Variants in ERC1 observed in about 807,000 individuals in gnomAD.
ERC1 encodes ELKS/RAB6-interacting/CAST family member 1.
A neutral mutation model predicts 132.0 loss-of-function variants in ERC1; 56 were observed. That is an observed-to-expected ratio of 0.42 (90% confidence interval 0.34 to 0.53). The LOEUF (loss-of-function observed/expected upper bound fraction) is 0.53. Ranked by LOEUF, ERC1 falls within the 20% of genes least tolerant of loss-of-function variation. ERC1 has a pLI of 0.03. For missense variants in ERC1, 1,202 were observed against 1,349.9 expected, an observed-to-expected ratio of 0.89 and a Z score of 1.72; for synonymous variants, 478 against 476.1, an observed-to-expected ratio of 1.00 and a Z score of -0.05.
At chr12:1,272,006 C>T (rs1379628671) in intron 14 of ERC1, among the ~76,000 whole-genome samples, 1 of 152,110 alleles carries the variant, frequency 6.6e-6, no homozygotes, top group Non-Finnish European at 1.5e-5. Flanking sequence ...TTCAAAAGGT[C>T]GTTCCAGAAC....
intron 12 of ERC1, among the ~76,000 whole-genome samples, chr12:1,228,793 C>T (rs1009979545): frequency 1.3e-5 from 2 of 152,030 alleles, no homozygotes; most frequent in Non-Finnish European, 1.5e-5. Flanking sequence ...TGATTTTTAT[C>T]GTTCATTCTG....
At chr12:1,289,711 C>A (rs2079302167) in intron 14 of ERC1, 141 bp from the exon 15 acceptor site, 2 of 621,142 alleles carry the variant, frequency 3.2e-6, no homozygotes. Flanking sequence ...ACACACATAA[C>A]TGATCCAGAA....
At chr12:1,297,206 A>C (rs2080024204) in intron 15 of ERC1, among the ~76,000 whole-genome samples, 1 of 151,900 alleles carries the variant, frequency 6.6e-6, no homozygotes, top group African/African-American at 2.4e-5. Flanking sequence ...ACTAAAAAAA[A>C]AAAAAAAAAT....
At chr12:1,487,603 C>A (rs988775314) in intron 18 of ERC1, among the ~76,000 whole-genome samples, 1 of 151,102 alleles carries the variant, frequency 6.6e-6, no homozygotes, top group Non-Finnish European at 1.5e-5. Context: ...ATCTGTAATC[C>A]CAGCTACTTA....
intron 12 of ERC1, among the ~76,000 whole-genome samples, chr12:1,196,905 T>TACACACAC (rs766381798): frequency 3.5e-5 from 2 of 57,728 alleles, no homozygotes; most frequent in East Asian, 6.3e-4. Context: ...TCTGTCTCTC[T>TACACACAC]ACACACACAC....
At chr12:1,221,928 G>T (rs1421933315) in intron 12 of ERC1, among the ~76,000 whole-genome samples, 2 of 152,136 alleles carry the variant, frequency 1.3e-5, no homozygotes, top group Non-Finnish European at 2.9e-5. Context: ...TCACTATGTG[G>T]TATCATTGTA....
At chr12:1,177,616 T>G (rs1056138277) in intron 8 of ERC1, among the ~76,000 whole-genome samples, 14 of 152,070 alleles carry the variant, frequency 9.2e-5, no homozygotes, top group African/African-American at 3.1e-4. Context: ...ACGGGCAGAG[T>G]TCATGGCACC....
intron 8 of ERC1, among the ~76,000 whole-genome samples, chr12:1,175,404 A>G (rs767652969): frequency 6.6e-6 from 1 of 151,904 alleles, no homozygotes; most frequent in Non-Finnish European, 1.5e-5. Flanking sequence ...TTAATATTCT[A>G]CATATTTTGT....
intron 15 of ERC1, among the ~76,000 whole-genome samples, chr12:1,316,503 C>T (rs142495891): frequency 6.6e-6 from 1 of 152,148 alleles, no homozygotes; most frequent in East Asian, 1.9e-4. Flanking sequence ...ATGACATACT[C>T]ATATGAAAAA....
At chr12:1,158,258 A>G (rs1475622275) in intron 8 of ERC1, among the ~76,000 whole-genome samples, 1 of 152,116 alleles carries the variant, frequency 6.6e-6, no homozygotes, top group East Asian at 1.9e-4. Context: ...CTTTTGTTAT[A>G]TTTTGCTGAG....
chr12:1,318,667 T>G (rs2081927826), intron 15 of ERC1, among the ~76,000 whole-genome samples: 1 of 152,156 alleles, frequency 6.6e-6, no homozygotes, highest in African/African-American at 2.4e-5. Context: ...TCTTTTGTAG[T>G]GCGTAGGAAA....
At chr12:1,395,273 A>G (rs761060511) in intron 16 of ERC1, among the ~76,000 whole-genome samples, 1 of 152,236 alleles carries the variant, frequency 6.6e-6, no homozygotes, top group Non-Finnish European at 1.5e-5. Flanking sequence ...ACTTAAGTTC[A>G]TGACCAACTT....
chr12:1,141,446 T>C (rs1315912884), intron 7 of ERC1, among the ~76,000 whole-genome samples, 174 bp from the exon 8 acceptor site: 1 of 152,188 alleles, frequency 6.6e-6, no homozygotes, highest in African/African-American at 2.4e-5. Context: ...GAGATTCCAT[T>C]GTGTAACGGT....
chr12:1,236,938 T>G, intron 13 of ERC1, 34 bp downstream of exon 13: 2 of 1,610,470 alleles, frequency 1.2e-6, no homozygotes, highest in East Asian at 4.5e-5. Context: ...AAGGATCGGG[T>G]GAAGACATTT....
chr12:1,378,533 T>C (rs2088220785), intron 16 of ERC1, among the ~76,000 whole-genome samples: 2 of 152,320 alleles, frequency 1.3e-5, no homozygotes, highest in South Asian at 4.1e-4. Context: ...ATTTAAAGCC[T>C]TTTCCTTAGA....
At chr12:1,072,318 TC>T (rs1940538341) in intron 2 of ERC1, among the ~76,000 whole-genome samples, 1 of 152,228 alleles carries the variant, frequency 6.6e-6, no homozygotes, top group South Asian at 2.1e-4. Context: ...AAATTTATTT[TC>T]CTTTTAAATA....
intron 7 of ERC1, among the ~76,000 whole-genome samples, chr12:1,119,266 T>TTG (rs1555253175): frequency 2.4e-5 from 3 of 122,674 alleles, no homozygotes; most frequent in African/African-American, 9.3e-5. Context: ...TTGTTTTTTT[T>TTG]GTTTTTTTTT....
At chr12:1,304,389 C>A (rs942841670) in intron 15 of ERC1, among the ~76,000 whole-genome samples, 3 of 152,166 alleles carry the variant, frequency 2.0e-5, no homozygotes, top group Admixed American at 2.0e-4. Context: ...GACTTTTACT[C>A]ACATCTGTTA....
At chr12:1,052,870 T>C (rs1422541617) in intron 2 of ERC1, among the ~76,000 whole-genome samples, 5 of 151,952 alleles carry the variant, frequency 3.3e-5, no homozygotes, top group African/African-American at 4.8e-5. Flanking sequence ...CTCAGGAGGC[T>C]GAGGCAGGAG....
Sources: gnomAD v4.1 joint callset for allele counts (sites outside exome capture counted in the v4.1 genomes callset) on GRCh38, gnomAD v4.1.1 for gene constraint, MANE v1.5 for transcripts, NCBI Gene and HGNC (gene_info 2026-07-23, HGNC 2026-07-21) for gene names.